The following SLC39A12 variants were observed in gnomAD, a reference collection of about 807,000 sequenced individuals.
The protein encoded by SLC39A12 is zinc transporter ZIP12.
SLC39A12 carries 63 observed loss-of-function variants against 71.1 expected under a neutral mutation model. That is an observed-to-expected ratio of 0.89 (90% CI 0.72 to 1.09). The LOEUF (loss-of-function observed/expected upper bound fraction) is 1.09, where lower values mean the gene tolerates loss of function less well. Ranked by LOEUF, SLC39A12 falls within the 50% of genes least tolerant of loss-of-function variation. The pLI is 0.00. For synonymous variants in SLC39A12, 351 were observed against 301.3 expected, an observed-to-expected ratio of 1.16 and a Z score of -1.71; for missense variants, 892 against 812.6, an observed-to-expected ratio of 1.10 and a Z score of -1.19.
At chr10:17,967,138 T>C (rs549697748) in intron 4 of SLC39A12, among the ~76,000 whole-genome samples, 2 of 152,194 alleles carry the variant, frequency 1.3e-5, no homozygotes, top group East Asian at 3.8e-4. Flanking sequence ...TTGCAAGTTT[T>C]TTTTTGTTGA....
intron 2 of SLC39A12, among the ~76,000 whole-genome samples, chr10:17,957,897 C>T (rs560165266): frequency 6.6e-6 from 1 of 152,154 alleles, no homozygotes; most frequent in Non-Finnish European, 1.5e-5. Context: ...TCATTTGATT[C>T]ACAATTAAGC....
intron 12 of SLC39A12, among the ~76,000 whole-genome samples, chr10:18,028,538 A>G (rs560248887): frequency 1.8e-4 from 28 of 151,492 alleles, no homozygotes; most frequent in African/African-American, 6.9e-4. Flanking sequence ...TGTTTTGTGG[A>G]TCATCCTTCT....
intron 12 of SLC39A12, among the ~76,000 whole-genome samples, chr10:18,022,929 G>T (rs182251073): frequency 3.5e-4 from 54 of 152,242 alleles, no homozygotes; most frequent in African/African-American, 1.2e-3. Context: ...TGAAATTTGG[G>T]CTCTAATCCA....
At position 17,953,249 on chromosome 10, in the gene SLC39A12, AC is replaced by A. The variant is rs781807609; in HGVS notation, c.-27del. ...GGCAACACACTCACCTCCATCCAAG[AC>A]AGACTCAAGGTGGAGGAAGCGTGGA... is the stretch of plus-strand genomic sequence containing the variant. On this transcript the variant is annotated 5_prime_UTR_variant, in exon 2 of 13. Transcript: ENST00000377369. The A allele has an allele frequency of 3.7e-6, 6 of 1,609,216 alleles. 1 individual carries two copies. In the Middle Eastern group the frequency reaches 1.0e-3, roughly 268 times the overall value.
Position 17,987,561 on chromosome 10 carries a change from T to G in SLC39A12, c.1179T>G (p.Cys393Trp). The G allele has an allele frequency of 6.2e-7, 1 of 1,614,064 alleles. No homozygotes were observed. Residue 393 changes from cysteine (C) to tryptophan (W), a missense_variant, in exon 7 of 13, where the codon TGT (cysteine) becomes TGG (tryptophan). By Grantham distance (215) the Cys-to-Trp change is radical (BLOSUM62 -2). Transcript: ENST00000377369. The part of the protein sequence containing the change: ...LGTALVLFHS[C>W]EENYRLILQL... ...CAGCGCTGGTCCTTTTCCATAGCTG[T>G]GAGGAGAACTACAGGCTTATCTTAC...
intron 12 of SLC39A12, among the ~76,000 whole-genome samples, chr10:18,014,405 G>C (rs1208756276): frequency 6.6e-6 from 1 of 152,098 alleles, no homozygotes. Context: ...TAACAGAAAG[G>C]TGTATTCTAC....
In SLC39A12 at chr10:18,016,148, C is replaced by T. The variant is rs1289921784; in HGVS notation, c.1947+12790C>T. 3.9e-5 allele frequency among the ~76,000 whole-genome samples: 6 copies of T among 152,226 alleles called. No individual in the cohort carries two copies. The South Asian group carries it at 6.2e-4, about 16-fold the overall frequency. On this transcript the variant is annotated intron_variant, in intron 12 of 12. Transcript: ENST00000377369. ...GACACATACTCACCATTGTATCATACGGAATAGTTGCACTGCCTAAATGTC... is the reference window on the plus strand; with the variant it reads ...GACACATACTCACCATTGTATCATATGGAATAGTTGCACTGCCTAAATGTC...
chr10:18,041,234 G>C (rs1315153509), intron 12 of SLC39A12, among the ~76,000 whole-genome samples: 2 of 151,942 alleles, frequency 1.3e-5, no homozygotes, highest in Non-Finnish European at 2.9e-5. Flanking sequence ...AATGGTGTTA[G>C]GCCATTTCAC....
chr10:18,032,575 T>C (rs968485404), intron 12 of SLC39A12, among the ~76,000 whole-genome samples: 1 of 147,520 alleles, frequency 6.8e-6, no homozygotes, highest in Non-Finnish European at 1.5e-5. Context: ...TTTCTAGATA[T>C]ACAATCATGT....
At chr10:18,013,252 A>C (rs951019451) in intron 12 of SLC39A12, among the ~76,000 whole-genome samples, 5 of 151,302 alleles carry the variant, frequency 3.3e-5, no homozygotes, top group Admixed American at 6.6e-5. Context: ...CAGTTAAAGC[A>C]AACTAAGAAT....
At chr10:17,964,251 A>G (rs1409485730) in intron 3 of SLC39A12, among the ~76,000 whole-genome samples, 1 of 152,216 alleles carries the variant, frequency 6.6e-6, no homozygotes, top group African/African-American at 2.4e-5. Flanking sequence ...CTTTTCACCC[A>G]TGGAACTTCT....
chr10:17,955,115 G>C (rs868962397), intron 2 of SLC39A12, among the ~76,000 whole-genome samples: 1 of 152,120 alleles, frequency 6.6e-6, no homozygotes, highest in South Asian at 2.1e-4. Flanking sequence ...CTTTAATGAC[G>C]TGAAGTGCCT....
chr10:18,012,097 A>G (rs1836242780), intron 12 of SLC39A12, among the ~76,000 whole-genome samples: 1 of 152,202 alleles, frequency 6.6e-6, no homozygotes, highest in Admixed American at 6.5e-5. Context: ...GTGGGAACAA[A>G]CCGCCTGATT....
chr10:18,003,207 T>C lies in SLC39A12; in HGVS notation c.1796T>C (p.Met599Thr). 1 of 1,614,146 alleles carries C rather than the reference T, an allele frequency of 6.2e-7. No individual in the cohort carries two copies. Among genetic ancestry groups the C allele is most frequent in the Non-Finnish European group, 8.5e-7 (1 of 1,180,012 alleles). ...FAVLLSSGLS[M>T]KTAILMNFIS... ...GTGCTCTTAAGCTCTGGACTTTCTA[T>C]GAAGACTGCCATCCTGATGAATTTT... The change falls in exon 12 of 13, where the codon ATG (methionine) becomes ACG (threonine). Residue 599 changes from methionine (M) to threonine (T), a missense_variant. Physicochemically the swap from Met to Thr is moderately conservative, Grantham distance 81. Transcript: ENST00000377369.
rs1404202082 is a variant in SLC39A12 at position 17,953,313 on chromosome 10, C to T, written c.37C>T (p.Pro13Ser). 1 of 1,614,058 alleles carries T rather than the reference C, an allele frequency of 6.2e-7. No homozygotes were observed. The highest frequency in any genetic ancestry group is 8.5e-7 in the Non-Finnish European group (1 of 1,180,042). The change falls in exon 2 of 13, where the codon CCA becomes TCA. Residue 13 changes from proline (P) to serine (S), a missense_variant. Coordinates refer to ENST00000377369, the MANE Select transcript of SLC39A12 (RefSeq NM_001145195.2). Reference protein sequence around the residue: ...FRTKLSVSWVPLFLLLSRVFS... With the variant: ...FRTKLSVSWVSLFLLLSRVFS... ...GACAAAGCTCTCAGTATCCTGGGTG[C>T]CATTGTTTCTTCTACTCAGCCGTGT... is the stretch of plus-strand genomic sequence containing the variant.
At chr10:17,954,405 C>G (rs1834486253) in intron 2 of SLC39A12, among the ~76,000 whole-genome samples, 1 of 152,140 alleles carries the variant, frequency 6.6e-6, no homozygotes, top group South Asian at 2.1e-4. Flanking sequence ...AGGCACCCAC[C>G]ACCACGGCCG....
chr10:18,027,049 C>CT (rs1384864990), intron 12 of SLC39A12, among the ~76,000 whole-genome samples: 5 of 152,082 alleles, frequency 3.3e-5, no homozygotes, highest in Non-Finnish European at 2.9e-5. Flanking sequence ...TTTAAACCAT[C>CT]TTTTGCCTTT....
At chr10:18,029,292 G>A (rs533611658) in intron 12 of SLC39A12, among the ~76,000 whole-genome samples, 20 of 152,256 alleles carry the variant, frequency 1.3e-4, no homozygotes, top group African/African-American at 2.4e-4. Context: ...TGGATAAGTC[G>A]TAGTTTGTGG....
At chr10:18,037,972 A>G (rs1289484515) in intron 12 of SLC39A12, among the ~76,000 whole-genome samples, 2 of 144,320 alleles carry the variant, frequency 1.4e-5, no homozygotes, top group Non-Finnish European at 3.0e-5. Flanking sequence ...ATGAGCCAAG[A>G]TCACACCAAT....
Sources: allele counts gnomAD v4.1 joint callset (sites outside exome capture counted in the v4.1 genomes callset), GRCh38; gene constraint gnomAD v4.1.1; transcripts MANE v1.5; gene names NCBI Gene and HGNC (gene_info 2026-07-23, HGNC 2026-07-21).